Variants in CAST observed in about 807,000 individuals in gnomAD.
CAST encodes the protein calpastatin, also known as MIR583 host.
CAST carries 76 observed loss-of-function variants against 119.6 expected under a neutral mutation model. The ratio of observed to expected loss-of-function variants is 0.64; its 90% confidence interval spans 0.53 to 0.77. The LOEUF is 0.77. CAST is among the 30% of genes least tolerant of loss of function. The pLI is 0.00. For synonymous variants in CAST, 319 were observed against 331.6 expected (o/e 0.96, Z 0.41); for missense variants, 953 against 946.5 (o/e 1.01, Z -0.09).
At chr5:96,572,264 G>A (rs1409251049) in intron 1 of CAST, among the ~76,000 whole-genome samples, 7 of 151,366 alleles carry the variant, frequency 4.6e-5, no homozygotes, top group African/African-American at 7.3e-5. Context: ...GCAGTGGCAC[G>A]ATCTCGGCTG....
chr5:95,983,203 G>C, the CAST span, among the ~76,000 whole-genome samples: 1 of 152,198 alleles, frequency 6.6e-6, no homozygotes, highest in Non-Finnish European at 1.5e-5. Flanking sequence ...TAAAAGTCAG[G>C]ATACTGGAAA....
the CAST span, among the ~76,000 whole-genome samples, chr5:96,262,399 T>C: frequency 1.3e-5 from 2 of 152,232 alleles, no homozygotes; most frequent in Non-Finnish European, 2.9e-5. Flanking sequence ...GTCCTTACTC[T>C]GTCCTTTCTT....
At chr5:96,424,750 G>A in the CAST span, among the ~76,000 whole-genome samples, 8 of 152,162 alleles carry the variant, frequency 5.3e-5, no homozygotes, top group Non-Finnish European at 1.0e-4. Flanking sequence ...ATCACCTGAG[G>A]TCAGGAGTTC....
the CAST span, among the ~76,000 whole-genome samples, chr5:96,402,631 G>A: frequency 6.6e-6 from 1 of 151,704 alleles, no homozygotes; most frequent in Non-Finnish European, 1.5e-5. Flanking sequence ...CACTCAACCA[G>A]TATGCCAGGA....
chr5:96,120,282 A>C, the CAST span, among the ~76,000 whole-genome samples: 2 of 152,138 alleles, frequency 1.3e-5, no homozygotes, highest in African/African-American at 2.4e-5. Context: ...AGAAATGGGC[A>C]TGTGACCTAA....
chr5:96,684,901 C>T (rs1013045345), intron 2 of CAST, among the ~76,000 whole-genome samples: 2 of 151,882 alleles, frequency 1.3e-5, no homozygotes, highest in Non-Finnish European at 2.9e-5. Context: ...GCTGTTTTAT[C>T]AGAAGCTAAG....
chr5:96,662,360 G>A (rs1387746553), upstream of CAST: 3 of 588,476 alleles, frequency 5.1e-6, no homozygotes, highest in Admixed American at 5.8e-5. Context: ...AGGACTCCCC[G>A]CCAGGCCTCC....
the CAST span, among the ~76,000 whole-genome samples, chr5:96,218,113 A>G: frequency 1.3e-5 from 2 of 152,338 alleles, no homozygotes; most frequent in South Asian, 4.1e-4. Context: ...TTAGCTGTTT[A>G]AAAGGTTTTG....
intron 24 of CAST, 189 bp from the exon 25 acceptor site, chr5:96,762,085 A>T (rs1768157102): frequency 2.4e-6 from 1 of 413,194 alleles, no homozygotes; most frequent in Admixed American, 4.1e-5. Flanking sequence ...GAAATAGCAA[A>T]TTGTATAAAA....
At chr5:96,427,023 A>G in the CAST span, among the ~76,000 whole-genome samples, 3 of 152,204 alleles carry the variant, frequency 2.0e-5, no homozygotes, top group African/African-American at 7.2e-5. Flanking sequence ...AATGCTGCCT[A>G]TCATCTGAGT....
the CAST span, among the ~76,000 whole-genome samples, chr5:96,200,888 G>A: frequency 1.3e-5 from 2 of 152,104 alleles, no homozygotes; most frequent in Non-Finnish European, 2.9e-5. Flanking sequence ...CCCAGCTTAA[G>A]TCTGATCTAC....
intron 1 of CAST, among the ~76,000 whole-genome samples, chr5:96,666,257 AACACAC>A (rs10529318): frequency 5.3e-5 from 8 of 150,042 alleles, no homozygotes; most frequent in Non-Finnish European, 5.9e-5. Context: ...GGTTGTAGTA[AACACAC>A]ACACACACAC....
chr5:96,203,231 A>G, the CAST span, among the ~76,000 whole-genome samples: 1 of 151,788 alleles, frequency 6.6e-6, no homozygotes, highest in Non-Finnish European at 1.5e-5. Flanking sequence ...TAGTGACTGC[A>G]TTGTTTCACC....
chr5:96,425,054 AAGAAAG>A, the CAST span, among the ~76,000 whole-genome samples: 3 of 133,136 alleles, frequency 2.3e-5, no homozygotes, highest in Non-Finnish European at 5.0e-5. Context: ...GAAAGAAAGA[AAGAAAG>A]AAAGAAAGAA....
rs187180901 is a variant in CAST, at chr5:96,677,049, A to G, written c.138+1448A>G. On this transcript the variant is annotated intron_variant, in intron 2 of 31. Transcript: ENST00000675179. ...AGCTGGGTGACAAAAAAAAAAAAAG[A>G]AAAGAAAAGAAAAGAAAATCCACCT... Among the ~76,000 whole-genome samples the G allele has an allele frequency of 3.8e-3, 581 of 151,088 alleles. 11 individuals are homozygous for G. The highest frequency in any genetic ancestry group is 0.033 in the South Asian group (158 of 4,800).
At chr5:96,578,314 A>C (rs937164932) in intron 1 of CAST, among the ~76,000 whole-genome samples, 2 of 151,052 alleles carry the variant, frequency 1.3e-5, no homozygotes, top group African/African-American at 4.8e-5. Context: ...TACCTATGTC[A>C]CTAAATTTGA....
At chr5:96,389,363 C>T in the CAST span, among the ~76,000 whole-genome samples, 1 of 152,056 alleles carries the variant, frequency 6.6e-6, no homozygotes, top group South Asian at 2.1e-4. Flanking sequence ...TCACATTGTA[C>T]ACCTTAAATA....
the CAST span, among the ~76,000 whole-genome samples, chr5:96,425,068 GAA>G: frequency 1.5e-5 from 2 of 136,366 alleles, no homozygotes; most frequent in African/African-American, 5.4e-5. Context: ...AAGAAAGAAA[GAA>G]AGAAAACGTA....
chr5:96,163,564 A>G, the CAST span, among the ~76,000 whole-genome samples: 3 of 152,226 alleles, frequency 2.0e-5, no homozygotes, highest in Non-Finnish European at 4.4e-5. Context: ...TAATAGATAT[A>G]GCTAGATTAC....
Sources: gnomAD v4.1 joint callset for allele counts (sites outside exome capture counted in the v4.1 genomes callset) on GRCh38, gnomAD v4.1.1 for gene constraint, MANE v1.5 for transcripts, NCBI Gene and HGNC (gene_info 2026-07-23, HGNC 2026-07-21) for gene names.